DSCAM: variants seen among roughly 807,000 people sequenced by gnomAD.
DSCAM encodes the protein cell adhesion molecule DSCAM.
DSCAM carries 47 observed loss-of-function variants against 217.7 expected under a neutral mutation model. The observed-to-expected ratio is 0.22, with a 90% confidence interval of 0.17 to 0.28. The LOEUF is 0.28. Among genes scored for constraint, DSCAM ranks in the 10% least tolerant of loss-of-function variants. DSCAM has a pLI of 1.00. For synonymous variants in DSCAM, 1,056 were observed against 1,015.3 expected, an observed-to-expected ratio of 1.04 and a Z score of -0.76; for missense variants, 2,080 against 2,618.3, an observed-to-expected ratio of 0.79 and a Z score of 4.49.
intron 1 of DSCAM, among the ~76,000 whole-genome samples, chr21:40,709,545 T>C (rs542891323): frequency 3.9e-4 from 59 of 152,180 alleles, no homozygotes; most frequent in South Asian, 8.3e-4. Context: ...TGTGTCCACG[T>C]GTTCTCATTG....
At chr21:40,593,789 G>A (rs541592728) in intron 3 of DSCAM, among the ~76,000 whole-genome samples, 1 of 152,312 alleles carries the variant, frequency 6.6e-6, no homozygotes, top group Admixed American at 6.5e-5. Flanking sequence ...ACAGGAAATG[G>A]AGGTTGAATT....
chr21:40,132,473 G>T (rs2090163451), intron 19 of DSCAM, among the ~76,000 whole-genome samples: 3 of 152,194 alleles, frequency 2.0e-5, no homozygotes, highest in African/African-American at 7.2e-5. Flanking sequence ...CATTACATTT[G>T]AACCTTAGAT....
chr21:40,777,986 T>C (rs183498919), intron 1 of DSCAM, among the ~76,000 whole-genome samples: 3 of 152,156 alleles, frequency 2.0e-5, no homozygotes, highest in Non-Finnish European at 2.9e-5. Flanking sequence ...GATAATGATA[T>C]TTTACCTCCA....
At chr21:40,682,084 G>C (rs1211582839) in intron 3 of DSCAM, among the ~76,000 whole-genome samples, 1 of 151,474 alleles carries the variant, frequency 6.6e-6, no homozygotes, top group Non-Finnish European at 1.5e-5. Context: ...TTTTTTTGTA[G>C]TCCTAGGAAA....
chr21:40,489,801 A>AAAAAAAAAG, intron 3 of DSCAM, among the ~76,000 whole-genome samples: 1 of 149,844 alleles, frequency 6.7e-6, no homozygotes, highest in Non-Finnish European at 1.5e-5. Context: ...AAAAAAAAAA[A>AAAAAAAAAG]TAAGTACCAT....
At chr21:40,799,268 A>T (rs940895985) in intron 1 of DSCAM, among the ~76,000 whole-genome samples, 1 of 152,172 alleles carries the variant, frequency 6.6e-6, no homozygotes, top group African/African-American at 2.4e-5. Flanking sequence ...CTCTAATTTG[A>T]ATCTATATTG....
chr21:40,350,711 AAG>A (rs2074620468), intron 5 of DSCAM, among the ~76,000 whole-genome samples: 1 of 152,024 alleles, frequency 6.6e-6, no homozygotes, highest in Admixed American at 6.6e-5. Context: ...TCAGAATGGA[AAG>A]AGGGAATCAC....
chr21:40,727,890 C>T (rs1253430362), intron 1 of DSCAM, among the ~76,000 whole-genome samples: 1 of 152,166 alleles, frequency 6.6e-6, no homozygotes, highest in Admixed American at 6.5e-5. Flanking sequence ...CCCACCGCAG[C>T]CACACTGGCC....
intron 25 of DSCAM, among the ~76,000 whole-genome samples, chr21:40,079,734 A>T (rs1004592601): frequency 6.6e-6 from 1 of 151,900 alleles, no homozygotes; most frequent in East Asian, 1.9e-4. Context: ...AAAAAAACAA[A>T]CGCAATTTAC....
intron 3 of DSCAM, among the ~76,000 whole-genome samples, chr21:40,614,964 T>C (rs2089369163): frequency 1.3e-5 from 2 of 151,528 alleles, no homozygotes; most frequent in African/African-American, 4.8e-5. Context: ...ATATTTTATA[T>C]ACATTATGTA....
chr21:40,224,462 C>T (rs1005331061), intron 11 of DSCAM, among the ~76,000 whole-genome samples: 2 of 152,180 alleles, frequency 1.3e-5, no homozygotes, highest in Non-Finnish European at 2.9e-5. Flanking sequence ...ATATGCTTAT[C>T]TTTCACATTT....
intron 16 of DSCAM, among the ~76,000 whole-genome samples, chr21:40,145,487 C>T (rs1351735655): frequency 2.0e-5 from 3 of 152,056 alleles, no homozygotes; most frequent in African/African-American, 7.3e-5. Flanking sequence ...TGAAGATGGT[C>T]CACCAGGTCA....
intron 32 of DSCAM, among the ~76,000 whole-genome samples, chr21:40,014,859 A>G (rs905585609): frequency 1.3e-5 from 2 of 152,210 alleles, no homozygotes; most frequent in Non-Finnish European, 2.9e-5. Flanking sequence ...CTGACCTCTC[A>G]TTGCCAAATT....
At chr21:40,185,365 C>T (rs950981831) in intron 14 of DSCAM, among the ~76,000 whole-genome samples, 1 of 152,150 alleles carries the variant, frequency 6.6e-6, no homozygotes, top group African/African-American at 2.4e-5. Flanking sequence ...GATGCGCAAG[C>T]GAGGGTGCAG....
At chr21:40,632,890 C>T (rs2089711256) in intron 3 of DSCAM, among the ~76,000 whole-genome samples, 1 of 152,200 alleles carries the variant, frequency 6.6e-6, no homozygotes, top group South Asian at 2.1e-4. Flanking sequence ...TATGACACCA[C>T]CGATACTCCA....
At chr21:40,360,799 G>C (rs1332739934) in intron 4 of DSCAM, among the ~76,000 whole-genome samples, 1 of 152,150 alleles carries the variant, frequency 6.6e-6, no homozygotes, top group Non-Finnish European at 1.5e-5. Flanking sequence ...CTTTTTGGAA[G>C]AATGATTTAT....
chr21:40,133,836 C>A lies in DSCAM; in HGVS notation c.3562+18G>T. 1 of 1,583,480 alleles carries A rather than the reference C, an allele frequency of 6.3e-7. No homozygotes were observed. Among genetic ancestry groups the A allele is most frequent in the Middle Eastern group, 2.0e-4 (1 of 5,100 alleles). ...CCTTCCAGCAACTGCTGGGACCCAC[C>A]GCCCACCCGTCTCTCACCATCCTCT... On this transcript the variant is annotated intron_variant, in intron 19 of 32. Coordinates refer to ENST00000400454, the MANE Select transcript of DSCAM (RefSeq NM_001389.5).
At chr21:40,362,277 A>C (rs372028718) in intron 4 of DSCAM, among the ~76,000 whole-genome samples, 1 of 151,898 alleles carries the variant, frequency 6.6e-6, no homozygotes, top group Non-Finnish European at 1.5e-5. Flanking sequence ...CCTAAAACTT[A>C]AAGTATAATA....
At chr21:40,793,509 TG>T (rs2123472574) in intron 1 of DSCAM, among the ~76,000 whole-genome samples, 1 of 152,294 alleles carries the variant, frequency 6.6e-6, no homozygotes. Flanking sequence ...TATTATTTTT[TG>T]AGACGGGGTC....
Sources: allele counts gnomAD v4.1 joint callset (sites outside exome capture counted in the v4.1 genomes callset), GRCh38; gene constraint gnomAD v4.1.1; transcripts MANE v1.5; gene names NCBI Gene and HGNC (gene_info 2026-07-23, HGNC 2026-07-21).